AGBL3: variants seen among roughly 807,000 people sequenced by gnomAD.
AGBL3 encodes the protein AGBL carboxypeptidase 3.
In AGBL3, 68 loss-of-function variants were observed where a neutral mutation model predicts 94.5. The observed-to-expected ratio is 0.72, with a 90% CI of 0.59 to 0.88. The LOEUF is 0.88. AGBL3 is among the 40% of genes least tolerant of loss of function. AGBL3 has a pLI of 0.00. For missense variants in AGBL3, 934 were observed against 1,103.8 expected, an observed-to-expected ratio of 0.85 and a Z score of 2.18; for synonymous variants, 354 against 370.7, an observed-to-expected ratio of 0.95 and a Z score of 0.52.
At chr7:135,133,069 A>G (rs915905573) in intron 16 of AGBL3, among the ~76,000 whole-genome samples, 35 of 15,120 alleles carry the variant, frequency 2.3e-3, no homozygotes, top group East Asian at 0.018. Flanking sequence ...GCATGCGTGC[A>G]CACACACACA....
rs1445798343 is a variant in AGBL3 at position 135,034,710 on chromosome 7, C to A, written c.1119C>A (p.Ile373=). The A allele has an allele frequency of 6.4e-7, 1 of 1,550,672 alleles. No individual in the cohort carries two copies. The highest frequency in any genetic ancestry group is 8.7e-7 in the Non-Finnish European group (1 of 1,146,510). The part of the protein sequence containing the change: ...VHPGETNSSW[I]MKGFLDYILG... ...CAGGGGAAACCAACAGCTCTTGGAT[C>A]ATGAAAGGCTTCCTAGATTATATTT... Residue 373 remains isoleucine (I), a synonymous_variant, in exon 7 of 17, where the codon ATC becomes ATA. Coordinates refer to ENST00000436302, the MANE Select transcript of AGBL3 (RefSeq NM_178563.4).
At chr7:135,117,002 C>T (rs1487260872) in intron 16 of AGBL3, among the ~76,000 whole-genome samples, 1 of 152,158 alleles carries the variant, frequency 6.6e-6, no homozygotes, top group African/African-American at 2.4e-5. Flanking sequence ...TTCCTTTGTT[C>T]TTGAAGTCCT....
intron 15 of AGBL3, among the ~76,000 whole-genome samples, chr7:135,082,853 A>G (rs887441699): frequency 6.6e-6 from 1 of 152,170 alleles, no homozygotes; most frequent in African/African-American, 2.4e-5. Context: ...ATATACATAT[A>G]CATAGATACA....
chr7:135,106,748 CCCT>C (rs902090144), intron 15 of AGBL3, among the ~76,000 whole-genome samples: 13 of 152,120 alleles, frequency 8.5e-5, no homozygotes, highest in African/African-American at 3.1e-4. Context: ...GGGGAGGAGT[CCCT>C]CCTCCTCAGC....
intron 12 of AGBL3, among the ~76,000 whole-genome samples, chr7:135,060,670 T>A (rs990865813): frequency 7.2e-5 from 11 of 152,198 alleles, no homozygotes; most frequent in African/African-American, 2.4e-4. Context: ...TGTGCCTGGC[T>A]TATCTCACTT....
chr7:135,007,444 C>G (rs1374530830), intron 4 of AGBL3, among the ~76,000 whole-genome samples: 1 of 151,778 alleles, frequency 6.6e-6, no homozygotes, highest in Admixed American at 6.6e-5. Context: ...AAGATAATTT[C>G]AATAAACATA....
intron 16 of AGBL3, among the ~76,000 whole-genome samples, chr7:135,126,200 G>C (rs966808597): frequency 6.6e-6 from 1 of 152,188 alleles, no homozygotes; most frequent in Non-Finnish European, 1.5e-5. Flanking sequence ...CAAAGTCTCA[G>C]AATACAGAAT....
intron 7 of AGBL3, 28 bp downstream of exon 7, chr7:135,034,956 G>A: frequency 2.8e-6 from 4 of 1,445,994 alleles, no homozygotes; most frequent in Non-Finnish European, 3.6e-6. Context: ...TTACCTCTGT[G>A]CTTATTTAGT....
At chr7:135,053,399 G>A (rs1246502711) in intron 11 of AGBL3, among the ~76,000 whole-genome samples, 1 of 152,130 alleles carries the variant, frequency 6.6e-6, no homozygotes, top group African/African-American at 2.4e-5. Flanking sequence ...CCTGAGGTTG[G>A]GAGTTTGAGA....
chr7:135,112,441 T>A (rs1343147727), intron 15 of AGBL3, among the ~76,000 whole-genome samples: 1 of 152,234 alleles, frequency 6.6e-6, no homozygotes, highest in Non-Finnish European at 1.5e-5. Flanking sequence ...CATGTCTTCA[T>A]ACCTACCTGA....
chr7:135,073,680 T>G (rs1820183214), intron 12 of AGBL3, among the ~76,000 whole-genome samples: 1 of 151,660 alleles, frequency 6.6e-6, no homozygotes, highest in Admixed American at 6.6e-5. Context: ...GGCTCACATC[T>G]CTAAGGGGGT....
At chr7:135,061,678 T>C (rs1818849345) in intron 12 of AGBL3, among the ~76,000 whole-genome samples, 1 of 152,006 alleles carries the variant, frequency 6.6e-6, no homozygotes, top group African/African-American at 2.4e-5. Context: ...GGCACTTCTG[T>C]CAAAAGTCAA....
intron 16 of AGBL3, among the ~76,000 whole-genome samples, chr7:135,122,414 GGT>G (rs564342736): frequency 6.6e-5 from 10 of 152,198 alleles, no homozygotes; most frequent in Non-Finnish European, 1.3e-4. Context: ...TAGCGGGAGG[GGT>G]GACCACAGTC....
At chr7:135,132,792 C>A (rs1014239096) in intron 16 of AGBL3, among the ~76,000 whole-genome samples, 2 of 152,162 alleles carry the variant, frequency 1.3e-5, no homozygotes, top group African/African-American at 4.8e-5. Context: ...ATTGCGAGGC[C>A]TCCCCAGCCA....
intron 15 of AGBL3, among the ~76,000 whole-genome samples, chr7:135,106,339 C>A (rs1258058035): frequency 6.6e-6 from 1 of 152,146 alleles, no homozygotes; most frequent in Non-Finnish European, 1.5e-5. Context: ...CTTTTGCCCA[C>A]AGTACGATGT....
intron 4 of AGBL3, among the ~76,000 whole-genome samples, chr7:134,999,368 A>G (rs1811423858): frequency 6.6e-6 from 1 of 152,168 alleles, no homozygotes; most frequent in South Asian, 2.1e-4. Flanking sequence ...TCCCCAGGAA[A>G]TCTGCCCATA....
chr7:135,051,472 C>T (rs991679954), intron 11 of AGBL3, among the ~76,000 whole-genome samples: 1 of 152,098 alleles, frequency 6.6e-6, no homozygotes, highest in Admixed American at 6.6e-5. Context: ...ATTTCCCAGG[C>T]TCATCTTGTA....
In AGBL3 at chr7:135,016,055, AG is replaced by A. The variant is rs1382127740; in HGVS notation, c.311-996del. Among the ~76,000 whole-genome samples the A allele has an allele frequency of 7.3e-4, 13 of 17,816 alleles. 1 individual carries two copies. Among genetic ancestry groups the A allele is most frequent in the Middle Eastern group, 0.038 (1 of 26 alleles). The allele number at this position is 17,816 out of a possible 152,430, so 11.7% of individuals were successfully genotyped here. On this transcript the variant is annotated intron_variant, in intron 4 of 16. Coordinates refer to ENST00000436302, the MANE Select transcript of AGBL3 (RefSeq NM_178563.4). ...CAAAAAAAAAAAAAAAAAAAAGAAA[AG>A]AAAAAAAAAATCAGCATACACCAAG...
chr7:135,102,645 C>G (rs546158751), intron 15 of AGBL3, among the ~76,000 whole-genome samples: 15 of 146,852 alleles, frequency 1.0e-4, no homozygotes, highest in Non-Finnish European at 2.2e-4. Context: ...TTTCATTGCT[C>G]TAATGCTTGG....
Sources: allele counts gnomAD v4.1 joint callset (sites outside exome capture counted in the v4.1 genomes callset), GRCh38; gene constraint gnomAD v4.1.1; transcripts MANE v1.5; gene names NCBI Gene and HGNC (gene_info 2026-07-23, HGNC 2026-07-21).